THSD4: variants seen among roughly 807,000 people sequenced by gnomAD.
THSD4 encodes thrombospondin type 1 domain containing 4.
A neutral mutation model predicts 119.0 loss-of-function variants in THSD4; 69 were observed. That is an observed-to-expected ratio of 0.58 (90% CI 0.48 to 0.71). THSD4 has a LOEUF of 0.71. THSD4 is among the 30% of genes least tolerant of loss of function. THSD4 has a pLI of 0.00. For missense variants in THSD4, 1,393 were observed against 1,391.1 expected (o/e 1.00, Z -0.02); for synonymous variants, 524 against 540.4 (o/e 0.97, Z 0.42).
rs71131703 is a variant in THSD4, at chr15:71,749,697, TTTTATTTA to T, written c.2415+1135_2415+1142del. On this transcript the variant is annotated intron_variant, in intron 14 of 17. Coordinates refer to ENST00000261862, the MANE Select transcript of THSD4 (RefSeq NM_024817.3). Reference sequence around the variant, plus strand: ...TTTTAATATTTTTATATTTTTAAATTTTTATTTATTTATTTATTTATTTATTTATTTAT... The same window carrying T: ...TTTTAATATTTTTATATTTTTAAATTTTTATTTATTTATTTATTTATTTAT... Among the ~76,000 whole-genome samples the T allele has an allele frequency of 1.1e-3, 158 of 137,664 alleles. 1 individual carries two copies. Among genetic ancestry groups the T allele is most frequent in the South Asian group, 3.2e-3 (14 of 4,352 alleles). 90.3% of individuals were successfully genotyped at this position (137,664 alleles called of 152,430 possible).
chr15:71,746,372 C>A (rs55931360), intron 12 of THSD4, among the ~76,000 whole-genome samples: 1 of 152,088 alleles, frequency 6.6e-6, no homozygotes, highest in East Asian at 1.9e-4. Flanking sequence ...TCAGATGACC[C>A]TTAGGCAGAC....
At chr15:71,583,525 G>GT (rs1165407533) in intron 7 of THSD4, among the ~76,000 whole-genome samples, 1 of 150,418 alleles carries the variant, frequency 6.6e-6, no homozygotes, top group Non-Finnish European at 1.5e-5. Flanking sequence ...TGAGATCCTT[G>GT]TTTTTTCACA....
chr15:71,213,410 C>T (rs932652363), intron 3 of THSD4, among the ~76,000 whole-genome samples: 2 of 152,186 alleles, frequency 1.3e-5, no homozygotes, highest in South Asian at 2.1e-4. Flanking sequence ...CTGTGACTCC[C>T]GTTTCCTCTT....
At chr15:71,146,406 A>G (rs1392775615) in intron 2 of THSD4, among the ~76,000 whole-genome samples, 1 of 147,526 alleles carries the variant, frequency 6.8e-6, no homozygotes, top group Admixed American at 6.7e-5. Context: ...GCCCCTAATC[A>G]TTTGCAGTTG....
At chr15:71,134,274 C>T (rs748263272) in intron 1 of THSD4, among the ~76,000 whole-genome samples, 5 of 152,224 alleles carry the variant, frequency 3.3e-5, no homozygotes, top group Non-Finnish European at 5.9e-5. Flanking sequence ...CCTGGGGCTC[C>T]AAGGTCAGCG....
intron 7 of THSD4, among the ~76,000 whole-genome samples, chr15:71,476,268 A>G (rs36108078): frequency 0.16 from 24,218 of 152,072 alleles, 2,383 homozygotes; most frequent in East Asian, 0.3. Flanking sequence ...GTCTCGTGCT[A>G]TCACCCAGGC....
intron 7 of THSD4, among the ~76,000 whole-genome samples, chr15:71,616,722 T>C (rs573708938): frequency 6.6e-6 from 1 of 152,334 alleles, no homozygotes; most frequent in Admixed American, 6.5e-5. Context: ...CTGGAAATGT[T>C]CTAGCAATGG....
At chr15:71,224,520 G>T (rs2043999026) in intron 4 of THSD4, among the ~76,000 whole-genome samples, 1 of 152,174 alleles carries the variant, frequency 6.6e-6, no homozygotes, top group African/African-American at 2.4e-5. Context: ...GCTTGACCCT[G>T]TAGTTTTGTT....
At chr15:71,627,039 G>T (rs947241057) in intron 7 of THSD4, among the ~76,000 whole-genome samples, 12 of 152,000 alleles carry the variant, frequency 7.9e-5, no homozygotes, top group Non-Finnish European at 1.6e-4. Flanking sequence ...ATGGAGATTT[G>T]TCTGTATACA....
At chr15:71,499,120 C>A (rs2048072248) in intron 7 of THSD4, among the ~76,000 whole-genome samples, 1 of 152,074 alleles carries the variant, frequency 6.6e-6, no homozygotes, top group Admixed American at 6.6e-5. Flanking sequence ...TGGGTCCTAC[C>A]TTTCCTACCT....
chr15:71,612,081 T>G (rs1567062224), intron 7 of THSD4, among the ~76,000 whole-genome samples: 1 of 152,034 alleles, frequency 6.6e-6, no homozygotes, highest in Non-Finnish European at 1.5e-5. Context: ...TTGGAAGATA[T>G]CCCCTCTTAG....
At chr15:71,744,342 T>TCCTAGGTA (rs1217953368) in intron 11 of THSD4, among the ~76,000 whole-genome samples, 2 of 152,136 alleles carry the variant, frequency 1.3e-5, no homozygotes, top group African/African-American at 4.8e-5. Context: ...CCTGCTACTC[T>TCCTAGGTA]CCTAGGTACT....
At chr15:71,725,624 G>A (rs1318698276) in intron 8 of THSD4, among the ~76,000 whole-genome samples, 1 of 152,084 alleles carries the variant, frequency 6.6e-6, no homozygotes, top group African/African-American at 2.4e-5. Context: ...ATAGTGCCAA[G>A]TGCTGCCGAG....
chr15:71,494,332 A>T (rs2047976179), intron 7 of THSD4, among the ~76,000 whole-genome samples: 1 of 152,084 alleles, frequency 6.6e-6, no homozygotes, highest in African/African-American at 2.4e-5. Flanking sequence ...TTTCTTTTCT[A>T]ACCCCCCTTC....
intron 7 of THSD4, among the ~76,000 whole-genome samples, chr15:71,636,782 C>T (rs929080894): frequency 2.6e-5 from 4 of 152,164 alleles, no homozygotes; most frequent in Non-Finnish European, 5.9e-5. Flanking sequence ...CCACCTCTCT[C>T]CTCAGACTCC....
intron 7 of THSD4, among the ~76,000 whole-genome samples, chr15:71,465,701 G>A (rs1029998017): frequency 6.6e-6 from 1 of 152,172 alleles, no homozygotes; most frequent in Admixed American, 6.5e-5. Flanking sequence ...GTTGGGAAAG[G>A]TTTAATCTCA....
At chr15:71,185,289 T>A (rs2043587748) in intron 3 of THSD4, 1 of 151,852 alleles carries the variant, frequency 6.6e-6, no homozygotes, top group Non-Finnish European at 1.5e-5. Flanking sequence ...AATTTTATTG[T>A]ATTGAATATT....
chr15:71,494,079 A>G (rs1485104481), intron 7 of THSD4, among the ~76,000 whole-genome samples: 1 of 152,176 alleles, frequency 6.6e-6, no homozygotes, highest in Non-Finnish European at 1.5e-5. Flanking sequence ...AATTTGATTG[A>G]AGATTGTGAG....
intron 15 of THSD4, among the ~76,000 whole-genome samples, chr15:71,762,348 G>C (rs922377977): frequency 6.6e-6 from 1 of 152,188 alleles, no homozygotes; most frequent in Non-Finnish European, 1.5e-5. Flanking sequence ...TACAAGTTTT[G>C]ATCAAAGTTT....
Sources: gnomAD v4.1 joint callset for allele counts (sites outside exome capture counted in the v4.1 genomes callset) on GRCh38, gnomAD v4.1.1 for gene constraint, MANE v1.5 for transcripts, NCBI Gene and HGNC (gene_info 2026-07-23, HGNC 2026-07-21) for gene names.